Variants in NAV1 observed in about 807,000 individuals in gnomAD.
NAV1 encodes neuron navigator 1.
Under a neutral mutation model 175.2 loss-of-function variants are expected in NAV1, and 18 were observed. The ratio of observed to expected loss-of-function variants is 0.10; its 90% CI spans 0.07 to 0.15. The LOEUF (loss-of-function observed/expected upper bound fraction) is 0.15. Ranked by LOEUF, NAV1 falls within the 10% of genes least tolerant of loss-of-function variation. The probability of loss-of-function intolerance (pLI) is 1.00; values close to 1 mark genes in which losing one functional copy is unlikely to be tolerated. For missense variants in NAV1, 1,731 were observed against 2,436.6 expected, an observed-to-expected ratio of 0.71 and a Z score of 6.10; for synonymous variants, 897 against 978.7, an observed-to-expected ratio of 0.92 and a Z score of 1.56.
At chr1:201,547,576 C>T (rs1216881936) in intron 1 of NAV1, among the ~76,000 whole-genome samples, 1 of 152,110 alleles carries the variant, frequency 6.6e-6, no homozygotes, top group Non-Finnish European at 1.5e-5. Context: ...GTAATCGTTC[C>T]AACAACTTAG....
intron 1 of NAV1, among the ~76,000 whole-genome samples, chr1:201,581,267 A>G (rs1415555261): frequency 6.6e-6 from 1 of 152,190 alleles, no homozygotes; most frequent in Non-Finnish European, 1.5e-5. Flanking sequence ...TTGCAGGGAT[A>G]ATCTTGAGAG....
chr1:201,607,762 G>C (rs1667727599), intron 2 of NAV1, among the ~76,000 whole-genome samples: 1 of 152,192 alleles, frequency 6.6e-6, no homozygotes, highest in Non-Finnish European at 1.5e-5. Context: ...AAAGTGCTGG[G>C]ATTATAGATG....
rs148107286 is a variant in NAV1, at chr1:201,816,028, G to A, written c.5341-1060G>A. On this transcript the variant is annotated intron_variant, in intron 28 of 29. Transcript: ENST00000367296. ...GCTGGGATTATAGGTGTGAGCCATC[G>A]CACGCAGCTGAGAATAGATTTTAAG... Among the ~76,000 whole-genome samples the A allele has an allele frequency of 2.3e-3, 346 of 152,052 alleles. 9 individuals are homozygous for A. The highest frequency in any genetic ancestry group is 0.021 in the South Asian group (101 of 4,790).
chr1:201,705,732 G>C (rs1671639819), intron 1 of NAV1, among the ~76,000 whole-genome samples: 1 of 152,178 alleles, frequency 6.6e-6, no homozygotes, highest in Non-Finnish European at 1.5e-5. Flanking sequence ...GCCAGCATCT[G>C]TTTTAGAGCT....
At chr1:201,550,798 G>A (rs986523322) in intron 1 of NAV1, among the ~76,000 whole-genome samples, 2 of 152,244 alleles carry the variant, frequency 1.3e-5, no homozygotes, top group East Asian at 3.8e-4. Flanking sequence ...TGTGGGGTGG[G>A]TGGTCTATGT....
At chr1:201,777,243 C>T (rs191167775) in intron 3 of NAV1, among the ~76,000 whole-genome samples, 8 of 152,238 alleles carry the variant, frequency 5.3e-5, no homozygotes, top group East Asian at 1.9e-4. Context: ...TATAGAGAAT[C>T]GCCAGGATAA....
In NAV1 at chr1:201,613,246, G is replaced by A. The variant is rs377521241; in HGVS notation, c.-32-9607G>A. 9.9e-5 allele frequency among the ~76,000 whole-genome samples: 15 copies of A among 152,154 alleles called. No individual in the cohort carries two copies. The East Asian group carries it at 2.3e-3, about 24-fold the overall frequency. The stretch of plus-strand genomic sequence containing the variant: ...ACTAACCCATGCCACAGTCTTAAAT[G>A]TATTTATTTTGGAAACTTGGCCTGC... On this transcript the variant is annotated intron_variant, in intron 2 of 33. Transcript: ENST00000685211.
At chr1:201,822,534 G>A (rs1679445721) in exon 30 of NAV1, 1 of 152,586 alleles carries the variant, frequency 6.6e-6, no homozygotes. Context: ...ACCCCAAAGG[G>A]ATTCTTGGCT....
chr1:201,669,901 G>A (rs568393494), intron 1 of NAV1, among the ~76,000 whole-genome samples: 1 of 152,212 alleles, frequency 6.6e-6, no homozygotes, highest in South Asian at 2.1e-4. Flanking sequence ...CCACAGTGAG[G>A]TTTCTGGTGA....
At chr1:201,753,694 A>G (rs1674277850) in intron 3 of NAV1, among the ~76,000 whole-genome samples, 1 of 152,222 alleles carries the variant, frequency 6.6e-6, no homozygotes, top group South Asian at 2.1e-4. Flanking sequence ...TTTTACACAC[A>G]AACAATTCCA....
chr1:201,594,124 C>G (rs1206903967), intron 2 of NAV1, among the ~76,000 whole-genome samples: 1 of 146,690 alleles, frequency 6.8e-6, no homozygotes, highest in Non-Finnish European at 1.5e-5. Context: ...AGTGAAAGAA[C>G]AAAGCTTCCA....
At chr1:201,749,736 A>G (rs1328960260) in intron 3 of NAV1, among the ~76,000 whole-genome samples, 1 of 152,210 alleles carries the variant, frequency 6.6e-6, no homozygotes. Context: ...GTCTCTCCAG[A>G]AAAGAAAAAG....
intron 1 of NAV1, among the ~76,000 whole-genome samples, chr1:201,704,056 G>C (rs1671557906): frequency 6.6e-6 from 1 of 152,178 alleles, no homozygotes; most frequent in Admixed American, 6.5e-5. Context: ...GGGCTTGTGG[G>C]TCCCCAGAAC....
At chr1:201,799,176 C>CTGTGTG (rs56994916) in intron 15 of NAV1, among the ~76,000 whole-genome samples, 45,878 of 150,542 alleles carry the variant, frequency 0.3, 7,403 homozygotes, top group South Asian at 0.4. Context: ...GTTCAAGAAA[C>CTGTGTG]TGTGTGTGTG....
rs1303772204 is a variant in NAV1 at position 201,807,992 on chromosome 1, G to C, written c.3688G>C (p.Gly1230Arg). 1.9e-6 allele frequency: 3 copies of C among 1,614,078 alleles called. No individual in the cohort carries two copies. The highest frequency in any genetic ancestry group is 2.5e-6 in the Non-Finnish European group (3 of 1,180,020). ...CAACAAAGCGTTCAGTATAAAAAAGGGGCCCAAGTCAGCTTCCTCATACTC... is the reference window on the plus strand; with the variant it reads ...CAACAAAGCGTTCAGTATAAAAAAGCGGCCCAAGTCAGCTTCCTCATACTC... The change falls in exon 18 of 30, where the codon GGG (glycine) becomes CGG (arginine). Residue 1230 changes from glycine to arginine, a missense_variant. Physicochemically the swap from Gly to Arg is moderately radical, Grantham distance 125. Transcript: ENST00000367296. This position sits in a 1 kb window ranked among gnomAD's most constrained non-coding sequence, Gnocchi z 5.4.
chr1:201,571,155 T>A (rs1339776772), intron 1 of NAV1, among the ~76,000 whole-genome samples: 2 of 152,144 alleles, frequency 1.3e-5, no homozygotes, highest in Non-Finnish European at 2.9e-5. Flanking sequence ...CTCCTGGATC[T>A]CTGGGCTAGC....
In NAV1 at chr1:201,601,823, T is replaced by G. The variant is rs115401293; in HGVS notation, c.-33+13174T>G. On this transcript the variant is annotated intron_variant, in intron 2 of 33. Coordinates refer to the NAV1 transcript ENST00000685211. ...GAACAGACTAAGAGAAGGGCCAATA[T>G]TTAAAAGAGTTGAACTTGAAGCTAG... Among the ~76,000 whole-genome samples the G allele has an allele frequency of 1.8e-3, 279 of 152,280 alleles. 3 individuals carry two copies. Among genetic ancestry groups the G allele is most frequent in the African/African-American group, 6.3e-3 (262 of 41,554 alleles).
chr1:201,589,913 GA>G (rs1667138370), intron 2 of NAV1, among the ~76,000 whole-genome samples: 2 of 152,106 alleles, frequency 1.3e-5, no homozygotes, highest in Non-Finnish European at 2.9e-5. Flanking sequence ...TTGTTTTTGA[GA>G]TGGATTCTCG....
intron 15 of NAV1, 129 bp downstream of exon 19, chr1:201,794,706 C>T: frequency 1.2e-6 from 1 of 824,724 alleles, no homozygotes. Context: ...CCTTTAGATA[C>T]CCTTTAGTGT....
Sources: gnomAD v4.1 joint callset for allele counts (sites outside exome capture counted in the v4.1 genomes callset) on GRCh38, gnomAD v4.1.1 for gene constraint, Gnocchi (gnomAD v3.1) non-coding constraint, MANE v1.5 for transcripts, NCBI Gene and HGNC (gene_info 2026-07-23, HGNC 2026-07-21) for gene names.